Variants in LRMDA observed in about 807,000 individuals in gnomAD.
LRMDA encodes the protein leucine-rich melanocyte differentiation-associated protein.
A neutral mutation model predicts 29.8 loss-of-function variants in LRMDA; 18 were observed. The ratio of observed to expected loss-of-function variants is 0.60; its 90% CI spans 0.42 to 0.90. The LOEUF is 0.90. Among genes scored for constraint, LRMDA ranks in the 40% least tolerant of loss-of-function variants. LRMDA has a pLI of 0.00. For synonymous variants in LRMDA, 125 were observed against 109.4 expected (o/e 1.14, Z -0.89); for missense variants, 273 against 273.9 (o/e 1.00, Z 0.02).
chr10:75,452,267 A>G (rs886396711), intron 2 of LRMDA, among the ~76,000 whole-genome samples: 3 of 152,032 alleles, frequency 2.0e-5, no homozygotes, highest in Admixed American at 6.5e-5. Flanking sequence ...ATGCCCATTT[A>G]TTTTGAGCTG....
At chr10:76,471,776 G>T (rs893743293) in intron 6 of LRMDA, among the ~76,000 whole-genome samples, 1 of 151,620 alleles carries the variant, frequency 6.6e-6, no homozygotes, top group Non-Finnish European at 1.5e-5. Context: ...GTGGCTATAC[G>T]AATAGCAGAA....
At chr10:76,314,797 T>G (rs2132383595) in intron 5 of LRMDA, among the ~76,000 whole-genome samples, 1 of 152,328 alleles carries the variant, frequency 6.6e-6, no homozygotes, top group South Asian at 2.1e-4. Context: ...TACACACCAC[T>G]GGTTATTTGA....
intron 2 of LRMDA, among the ~76,000 whole-genome samples, chr10:75,996,383 T>C (rs1313996599): frequency 2.6e-5 from 4 of 152,186 alleles, no homozygotes; most frequent in Non-Finnish European, 4.4e-5. Context: ...AGGTCAATTT[T>C]CCCCTATTTA....
intron 5 of LRMDA, among the ~76,000 whole-genome samples, chr10:76,163,914 G>A (rs916639903): frequency 6.6e-6 from 1 of 152,124 alleles, no homozygotes; most frequent in African/African-American, 2.4e-5. Flanking sequence ...ATTCTCTGAT[G>A]GGAGATTTAG....
chr10:75,798,107 AT>A (rs1402948679), intron 2 of LRMDA, among the ~76,000 whole-genome samples: 3 of 148,540 alleles, frequency 2.0e-5, no homozygotes, highest in Non-Finnish European at 4.5e-5. Context: ...GGCTACTCAT[AT>A]ATCTTTTTTT....
chr10:76,488,881 G>A (rs552191917), intron 6 of LRMDA, among the ~76,000 whole-genome samples: 42 of 151,948 alleles, frequency 2.8e-4, no homozygotes, highest in African/African-American at 9.4e-4. Context: ...ATATGTGGTT[G>A]AGTTTGGTTT....
chr10:75,920,366 G>A (rs1482752681), intron 2 of LRMDA, among the ~76,000 whole-genome samples: 1 of 152,098 alleles, frequency 6.6e-6, no homozygotes, highest in East Asian at 1.9e-4. Context: ...AGCATCCTTC[G>A]GTGATCATGA....
intron 6 of LRMDA, among the ~76,000 whole-genome samples, chr10:76,469,004 T>A (rs1209194354): frequency 6.6e-6 from 1 of 152,070 alleles, no homozygotes; most frequent in Non-Finnish European, 1.5e-5. Context: ...GTGAAGATAA[T>A]GAAAAAATAT....
intron 5 of LRMDA, among the ~76,000 whole-genome samples, chr10:76,069,233 G>T (rs1848835544): frequency 6.6e-6 from 1 of 152,190 alleles, no homozygotes; most frequent in Non-Finnish European, 1.5e-5. Context: ...CAGCAGAAGT[G>T]CCATTTCACA....
intron 2 of LRMDA, chr10:75,451,137 G>C (rs1844455856): frequency 6.6e-6 from 1 of 152,198 alleles, no homozygotes; most frequent in Non-Finnish European, 1.5e-5. Flanking sequence ...TTATGAAGCA[G>C]TTATCTCTTC....
At chr10:76,402,806 T>A (rs539164075) in intron 6 of LRMDA, among the ~76,000 whole-genome samples, 20 of 152,316 alleles carry the variant, frequency 1.3e-4, no homozygotes, top group African/African-American at 4.3e-4. Flanking sequence ...TCTACCTTAA[T>A]TTAATTCCTT....
At chr10:76,008,409 T>C (rs1245340559) in intron 2 of LRMDA, among the ~76,000 whole-genome samples, 2 of 152,368 alleles carry the variant, frequency 1.3e-5, no homozygotes, top group East Asian at 3.9e-4. Context: ...ACTTTTTTTT[T>C]TGCCTTTTTT....
At chr10:76,099,734 G>A (rs61862708) in intron 5 of LRMDA, among the ~76,000 whole-genome samples, 1 of 151,882 alleles carries the variant, frequency 6.6e-6, no homozygotes, top group Non-Finnish European at 1.5e-5. Context: ...ATTTTGTGTG[G>A]TTAAAAAGGA....
chr10:76,038,082 C>G (rs1463776536), intron 3 of LRMDA, among the ~76,000 whole-genome samples: 1 of 152,074 alleles, frequency 6.6e-6, no homozygotes, highest in East Asian at 1.9e-4. Context: ...TCAAATAAAT[C>G]AAGGACAGAA....
intron 2 of LRMDA, among the ~76,000 whole-genome samples, chr10:75,563,368 C>CT (rs1840325563): frequency 6.6e-6 from 1 of 152,138 alleles, no homozygotes; most frequent in Admixed American, 6.6e-5. Flanking sequence ...CAATCCTTGG[C>CT]TTTCAGCTTC....
At chr10:76,064,775 A>G (rs1316962207) in intron 5 of LRMDA, among the ~76,000 whole-genome samples, 1 of 152,260 alleles carries the variant, frequency 6.6e-6, no homozygotes, top group Non-Finnish European at 1.5e-5. Context: ...ATAAATAAAC[A>G]TTATAAATCA....
chr10:75,535,277 A>T (rs950495069), intron 2 of LRMDA, among the ~76,000 whole-genome samples: 1 of 152,116 alleles, frequency 6.6e-6, no homozygotes, highest in Non-Finnish European at 1.5e-5. Context: ...TTGACACACC[A>T]TCAACAACCT....
At chr10:76,302,894 A>G (rs758664999) in intron 5 of LRMDA, among the ~76,000 whole-genome samples, 2 of 152,240 alleles carry the variant, frequency 1.3e-5, no homozygotes, top group African/African-American at 2.4e-5. Context: ...GGAAAACACA[A>G]CGCAACAAAA....
chr10:75,809,788 C>T (rs910344401), intron 2 of LRMDA, among the ~76,000 whole-genome samples: 1 of 152,186 alleles, frequency 6.6e-6, no homozygotes, highest in African/African-American at 2.4e-5. Context: ...TGAGGGCTTG[C>T]AAAGGGGCAT....
Sources: allele counts gnomAD v4.1 joint callset (sites outside exome capture counted in the v4.1 genomes callset), GRCh38; gene constraint gnomAD v4.1.1; transcripts MANE v1.5; gene names NCBI Gene and HGNC (gene_info 2026-07-23, HGNC 2026-07-21).